ADCY1: variants seen among roughly 807,000 people sequenced by gnomAD.
ADCY1 encodes adenylate cyclase 1.
A neutral mutation model predicts 105.4 loss-of-function variants in ADCY1; 28 were observed. The observed-to-expected ratio is 0.27, with a 90% confidence interval of 0.20 to 0.36. The LOEUF is 0.36. Ranked by LOEUF, ADCY1 falls within the 10% of genes least tolerant of loss-of-function variation. The pLI is 1.00. For synonymous variants in ADCY1, 655 were observed against 623.8 expected (o/e 1.05, Z -0.75); for missense variants, 977 against 1,434.2 (o/e 0.68, Z 5.15).
At chr7:45,655,935 G>A (rs1794928301) in intron 5 of ADCY1, among the ~76,000 whole-genome samples, 2 of 151,956 alleles carry the variant, frequency 1.3e-5, no homozygotes, top group Admixed American at 1.3e-4. Context: ...TTTTATTTCA[G>A]CGTTTGGTTT....
intron 3 of ADCY1, among the ~76,000 whole-genome samples, chr7:45,612,394 A>C (rs1346294945): frequency 6.6e-6 from 1 of 152,226 alleles, no homozygotes; most frequent in Non-Finnish European, 1.5e-5. Flanking sequence ...AGTGAGTGGC[A>C]GGCTGGGACA....
chr7:45,593,306 CCGA>C (rs1260855729), intron 2 of ADCY1, among the ~76,000 whole-genome samples: 1 of 152,198 alleles, frequency 6.6e-6, no homozygotes, highest in Admixed American at 6.5e-5. Context: ...CTCAGTGTGG[CCGA>C]CCCCAGAGCA....
Position 45,575,096 on chromosome 7 carries a change from A to G in ADCY1, c.553A>G (p.Ile185Val), listed in dbSNP as rs1235710592. Reference sequence around the variant, plus strand: ...GCTGCCCGTGCGCAGCCTGCTGGCCATAGGCTTTGGGCTCGTGGTGGCTGC... The same window carrying G: ...GCTGCCCGTGCGCAGCCTGCTGGCCGTAGGCTTTGGGCTCGTGGTGGCTGC... Reference protein sequence around the residue: ...ALLPVRSLLAIGFGLVVAASH... With the variant: ...ALLPVRSLLAVGFGLVVAASH... Residue 185 changes from isoleucine to valine, a missense_variant, in exon 1 of 20, where the codon ATA becomes GTA. Around this residue, in one of 7 missense-constraint regions of ADCY1, gnomAD observed 196 missense variants for 347.8 expected, o/e 0.56. Transcript: ENST00000297323. The surrounding 1 kb of genome is among the most constrained non-coding windows in gnomAD (Gnocchi z 4.7). 10 of 1,612,674 alleles carry G rather than the reference A, an allele frequency of 6.2e-6. No homozygotes were observed. The highest frequency in any genetic ancestry group is 8.5e-6 in the Non-Finnish European group (10 of 1,179,932).
intron 4 of ADCY1, among the ~76,000 whole-genome samples, chr7:45,639,853 T>A (rs893922662): frequency 6.6e-6 from 1 of 152,150 alleles, no homozygotes; most frequent in Non-Finnish European, 1.5e-5. Context: ...TGAGGCTACC[T>A]GGATCTAAGT....
chr7:45,577,878 C>T (rs1792396350), intron 1 of ADCY1, among the ~76,000 whole-genome samples: 1 of 152,226 alleles, frequency 6.6e-6, no homozygotes. Flanking sequence ...CAAATGCCTT[C>T]TTATCAAGGA....
chr7:45,712,024 TTATACTAAATATATATTTTATATAA>T (rs1352241259), intron 19 of ADCY1, among the ~76,000 whole-genome samples: 46 of 119,702 alleles, frequency 3.8e-4, no homozygotes, highest in African/African-American at 1.2e-3. Context: ...ATTTTATATA[TTATACTAAATATATATTTTATATAA>T]TATATTAAAT....
chr7:45,646,031 T>G lies in ADCY1; in HGVS notation c.1021-2639T>G, dbSNP rs113095810. On this transcript the variant is annotated intron_variant, in intron 4 of 19. Coordinates refer to ENST00000297323, the MANE Select transcript of ADCY1 (RefSeq NM_021116.4). ...AAGGGCTGGGTGGAGGAAGCCTGAG[T>G]ATGAGGTGTGGCCGCTTCCCCTTCC... Among the ~76,000 whole-genome samples, 164 of 151,510 alleles carry G rather than the reference T, an allele frequency of 1.1e-3. 1 individual carries two copies. The highest frequency in any genetic ancestry group is 3.7e-3 in the African/African-American group (152 of 41,312).
At position 45,574,571 on chromosome 7, in the gene ADCY1, G is replaced by A. The variant is rs1443267037; in HGVS notation, c.28G>A (p.Gly10Ser). 1 of 984,478 alleles carries A rather than the reference G, an allele frequency of 1.0e-6. No individual in the cohort carries two copies. The highest frequency in any genetic ancestry group is 1.2e-6 in the Non-Finnish European group (1 of 831,128). 61.0% of individuals were successfully genotyped at this position (984,478 alleles called of 1,614,324 possible). A position where few individuals can be genotyped will look rare whatever the true frequency, so the allele number is the denominator to read the frequency against. Residue 10 changes from glycine (G) to serine (S), a missense_variant, in exon 1 of 20, where the codon GGC becomes AGC. Gly to Ser is a moderately conservative substitution (Grantham distance 56). Around this residue, in one of 7 missense-constraint regions of ADCY1, gnomAD observed 209 missense variants for 222.5 expected, o/e 0.94. Transcript: ENST00000297323. The surrounding 1 kb of genome is among the most constrained non-coding windows in gnomAD (Gnocchi z 7.0). ...GGCGGGGGCGCCGCGCGGCGGAGGCGGCGGCGGAGGCGGCGCGGGCGAGCC... is the reference window on the plus strand; with the variant it reads ...GGCGGGGGCGCCGCGCGGCGGAGGCAGCGGCGGAGGCGGCGCGGGCGAGCC... MAGAPRGGG[G>S]GGGGAGEPGG... is the part of the protein sequence containing the mutation.
At chr7:45,621,144 C>A (rs1793877769) in intron 3 of ADCY1, among the ~76,000 whole-genome samples, 1 of 152,200 alleles carries the variant, frequency 6.6e-6, no homozygotes, top group Admixed American at 6.5e-5. Flanking sequence ...CAGCTCACTG[C>A]AACCTCCACC....
At chr7:45,706,492 C>CAAAAAAAAAAA (rs58794109) in intron 17 of ADCY1, among the ~76,000 whole-genome samples, 86 of 59,350 alleles carry the variant, frequency 1.4e-3, no homozygotes, top group African/African-American at 2.3e-3. Context: ...ACATCACATG[C>CAAAAAAAAAAA]AAAAAAAAAA....
chr7:45,721,417 C>G lies in ADCY1; in HGVS notation c.*7422C>G, dbSNP rs577031529. On this transcript the variant is annotated 3_prime_UTR_variant, in exon 20 of 20. Transcript: ENST00000297323. ...ATTTGAGCGAAACCTGTCATTGCGT[C>G]TAATTTCAAATATACAGAATCTCCT... is the stretch of plus-strand genomic sequence containing the variant. 32 of 364,386 alleles carry G rather than the reference C, an allele frequency of 8.8e-5. No individual in the cohort carries two copies. Among genetic ancestry groups the G allele is most frequent in the Non-Finnish European group, 1.3e-4 (26 of 204,970 alleles). 22.6% of individuals were successfully genotyped at this position (364,386 alleles called of 1,614,324 possible).
chr7:45,664,672 A>G, intron 8 of ADCY1: 1 of 354,626 alleles, frequency 2.8e-6, no homozygotes. Flanking sequence ...ACTGGATGGT[A>G]CACAGGCAGT....
chr7:45,648,122 A>G (rs1794712431), intron 4 of ADCY1, among the ~76,000 whole-genome samples: 1 of 152,234 alleles, frequency 6.6e-6, no homozygotes, highest in African/African-American at 2.4e-5. Flanking sequence ...GCAGATGGAC[A>G]TTCAGCTTTG....
Position 45,703,508 on chromosome 7 carries a change from G to C in ADCY1, c.2571+16G>C. The C allele has an allele frequency of 6.2e-7, 1 of 1,613,990 alleles. No individual in the cohort carries two copies. Among genetic ancestry groups the C allele is most frequent in the Non-Finnish European group, 8.5e-7 (1 of 1,179,948 alleles). ...TCGGAACATGGTGAGCACCCAGCCT[G>C]CTCCTGGCCAGCACTAGCCCTACAC... On this transcript the variant is annotated intron_variant, in intron 15 of 19. Coordinates refer to ENST00000297323, the MANE Select transcript of ADCY1 (RefSeq NM_021116.4). The surrounding 1 kb of genome is among the most constrained non-coding windows in gnomAD (Gnocchi z 5.9).
At chr7:45,650,337 T>C (rs1427533517) in intron 5 of ADCY1, among the ~76,000 whole-genome samples, 1 of 152,234 alleles carries the variant, frequency 6.6e-6, no homozygotes, top group African/African-American at 2.4e-5. Context: ...AATGACATTA[T>C]ATCACATCAC....
In ADCY1 at chr7:45,722,331, T is replaced by C. The variant is rs1414919741; in HGVS notation, c.*8336T>C. 6.5e-6 allele frequency: 1 copy of C among 152,690 alleles called. No individual in the cohort carries two copies. Among genetic ancestry groups the C allele is most frequent in the Non-Finnish European group, 1.5e-5 (1 of 68,324 alleles). 9.5% of individuals were successfully genotyped at this position (152,690 alleles called of 1,614,324 possible). On this transcript the variant is annotated 3_prime_UTR_variant, in exon 20 of 20. Transcript: ENST00000297323. ...CTAATGGTGTGGAACTTAGTTTGAA[T>C]TTGAAATCACGCCGCATGCACAAAG...
chr7:45,658,561 G>C (rs1795003414), intron 6 of ADCY1, among the ~76,000 whole-genome samples: 1 of 152,232 alleles, frequency 6.6e-6, no homozygotes, highest in African/African-American at 2.4e-5. Flanking sequence ...GCAGAACACT[G>C]GCTGCCCCTC....
rs1357095557 is a variant in ADCY1 at position 45,657,814 on chromosome 7, C to T, written c.1236C>T (p.Arg412=). 6.2e-7 allele frequency: 1 copy of T among 1,605,508 alleles called. No individual in the cohort carries two copies. The highest frequency in any genetic ancestry group is 8.5e-7 in the Non-Finnish European group (1 of 1,175,720). ...TCCTCTGTGGTGTCCTGGGCTTGCGCAAGTGGCAGTACGACGTGTGGTCCA... is the reference window on the plus strand; with the variant it reads ...TCCTCTGTGGTGTCCTGGGCTTGCGTAAGTGGCAGTACGACGTGTGGTCCA... The part of the protein sequence containing the change: ...GRVLCGVLGL[R]KWQYDVWSND... Residue 412 remains arginine, a synonymous_variant, in exon 6 of 20, where the codon CGC becomes CGT. Coordinates refer to ENST00000297323, the MANE Select transcript of ADCY1 (RefSeq NM_021116.4).
intron 1 of ADCY1, among the ~76,000 whole-genome samples, chr7:45,579,194 C>A (rs1792445184): frequency 6.6e-6 from 1 of 152,144 alleles, no homozygotes; most frequent in Non-Finnish European, 1.5e-5. Context: ...AGCTCGTGGC[C>A]TAGGTGTGCG....
Sources: gnomAD v4.1 joint callset for allele counts (sites outside exome capture counted in the v4.1 genomes callset) on GRCh38, gnomAD v4.1.1 for gene constraint, gnomAD v4.1.1 regional missense constraint, Gnocchi (gnomAD v3.1) non-coding constraint, MANE v1.5 for transcripts, NCBI Gene and HGNC (gene_info 2026-07-23, HGNC 2026-07-21) for gene names.